The following NAV3 variants were observed in gnomAD, a reference collection of about 807,000 sequenced individuals.
The protein encoded by NAV3 is neuron navigator 3.
A neutral mutation model predicts 244.7 loss-of-function variants in NAV3; 87 were observed. That is an observed-to-expected ratio of 0.36 (90% CI 0.30 to 0.42). The LOEUF (loss-of-function observed/expected upper bound fraction) is 0.42, where lower values mean the gene tolerates loss of function less well. Ranked by LOEUF, NAV3 falls within the 20% of genes least tolerant of loss-of-function variation. NAV3 has a pLI of 1.00. For synonymous variants in NAV3, 1,126 were observed against 1,042.2 expected (o/e 1.08, Z -1.55); for missense variants, 2,663 against 2,893.3 (o/e 0.92, Z 1.83).
At chr12:77,589,235 A>C (rs1215637605) in intron 2 of NAV3, among the ~76,000 whole-genome samples, 1 of 152,206 alleles carries the variant, frequency 6.6e-6, no homozygotes, top group Non-Finnish European at 1.5e-5. Context: ...GATTTTGTTC[A>C]GTGAGTTAAT....
rs1218161991 is a variant in NAV3 at position 77,957,671 on chromosome 12, AT to A, written c.415-8547del. On this transcript the variant is annotated intron_variant, in intron 3 of 39. Transcript: ENST00000397909. ...ATCACTGAAATGAATAACTATCAGTATTTTTTTTTTTGAGACAGAGTCTTGC... is the reference window on the plus strand; with the variant it reads ...ATCACTGAAATGAATAACTATCAGTATTTTTTTTTTGAGACAGAGTCTTGC... Among the ~76,000 whole-genome samples, 1,368 of 149,124 alleles carry A rather than the reference AT, an allele frequency of 9.2e-3. 21 individuals carry two copies. Among genetic ancestry groups the A allele is most frequent in the African/African-American group, 0.03 (1,208 of 40,848 alleles).
chr12:78,048,727 T>G (rs1882259337), intron 9 of NAV3, among the ~76,000 whole-genome samples: 1 of 152,192 alleles, frequency 6.6e-6, no homozygotes, highest in Non-Finnish European at 1.5e-5. Flanking sequence ...TGTCTGTCCC[T>G]TAGCGGAGCT....
chr12:77,963,841 T>C (rs1565965236), intron 3 of NAV3, among the ~76,000 whole-genome samples: 2 of 150,116 alleles, frequency 1.3e-5, no homozygotes, highest in Non-Finnish European at 3.0e-5. Context: ...CCTTCCTTCC[T>C]TCCTTCCTTC....
intron 2 of NAV3, among the ~76,000 whole-genome samples, chr12:77,597,372 CT>C (rs1220764878): frequency 6.6e-6 from 1 of 152,028 alleles, no homozygotes; most frequent in Non-Finnish European, 1.5e-5. Flanking sequence ...GCCATGGAGC[CT>C]TGATATCCTC....
chr12:77,652,679 T>C (rs1416586085), intron 2 of NAV3, among the ~76,000 whole-genome samples: 1 of 152,234 alleles, frequency 6.6e-6, no homozygotes, highest in Non-Finnish European at 1.5e-5. Flanking sequence ...TCCTTGATTT[T>C]GGAAAAGGAC....
In NAV3 at chr12:78,177,006, C is replaced by T. The variant is rs1225813069; in HGVS notation, c.5125-135C>T. ...TCATTTTTTTTTTAGAGATACTGTGCTGCAATTGTTAATACTCTGCTTGTA... is the reference window on the plus strand; with the variant it reads ...TCATTTTTTTTTTAGAGATACTGTGTTGCAATTGTTAATACTCTGCTTGTA... On this transcript the variant is annotated intron_variant, in intron 26 of 39. Coordinates refer to ENST00000397909, the MANE Select transcript of NAV3 (RefSeq NM_001024383.2). 7.8e-6 allele frequency: 6 copies of T among 767,220 alleles called. No individual in the cohort carries two copies. The African/African-American group carries it at 8.9e-5, about 11-fold the overall frequency. The allele number at this position is 767,220 out of a possible 1,614,324, so 47.5% of individuals were successfully genotyped here.
intron 2 of NAV3, among the ~76,000 whole-genome samples, chr12:77,727,964 A>T (rs1876953472): frequency 2.0e-5 from 3 of 151,910 alleles, no homozygotes; most frequent in Admixed American, 2.0e-4. Flanking sequence ...GAGTGGGAAA[A>T]ACACCCAAAT....
intron 2 of NAV3, among the ~76,000 whole-genome samples, chr12:77,636,301 C>T (rs1446143688): frequency 6.6e-6 from 1 of 151,606 alleles, no homozygotes; most frequent in East Asian, 1.9e-4. Flanking sequence ...CCTGGCTCTA[C>T]CAAAAATACA....
chr12:77,902,610 C>G (rs1885441112), intron 1 of NAV3, among the ~76,000 whole-genome samples: 1 of 152,090 alleles, frequency 6.6e-6, no homozygotes, highest in Non-Finnish European at 1.5e-5. Flanking sequence ...TCTCACCACT[C>G]CTATTCAACA....
At chr12:78,101,411 G>C (rs1487595213) in intron 12 of NAV3, among the ~76,000 whole-genome samples, 2 of 152,312 alleles carry the variant, frequency 1.3e-5, no homozygotes, top group Non-Finnish European at 2.9e-5. Flanking sequence ...TAAATGAGCA[G>C]TGGCAGGATG....
At chr12:78,138,491 G>A (rs936541644) in intron 19 of NAV3, among the ~76,000 whole-genome samples, 24 of 152,092 alleles carry the variant, frequency 1.6e-4, no homozygotes, top group Admixed American at 1.4e-3. Flanking sequence ...AATCAGTAGA[G>A]AATAGTTGTC....
intron 1 of NAV3, among the ~76,000 whole-genome samples, chr12:77,884,276 T>G (rs1242959021): frequency 6.6e-6 from 1 of 152,078 alleles, no homozygotes; most frequent in Non-Finnish European, 1.5e-5. Flanking sequence ...TGATGATTGA[T>G]TGATTGACAG....
At chr12:77,699,212 G>A (rs911747272) in intron 2 of NAV3, among the ~76,000 whole-genome samples, 18 of 152,062 alleles carry the variant, frequency 1.2e-4, no homozygotes, top group African/African-American at 4.3e-4. Flanking sequence ...AACTAACAGG[G>A]TTGTCTGGCC....
chr12:77,700,885 A>G (rs1875529461), intron 2 of NAV3, among the ~76,000 whole-genome samples: 1 of 151,730 alleles, frequency 6.6e-6, no homozygotes, highest in Non-Finnish European at 1.5e-5. Flanking sequence ...TTCCTGTAAT[A>G]AACCCAATTT....
At chr12:77,770,848 C>T (rs1375084105) in intron 2 of NAV3, among the ~76,000 whole-genome samples, 1 of 152,180 alleles carries the variant, frequency 6.6e-6, no homozygotes, top group Non-Finnish European at 1.5e-5. Flanking sequence ...AGGAAATAAG[C>T]ATGGGCAAGG....
At chr12:77,704,804 T>G (rs1208437372) in intron 2 of NAV3, among the ~76,000 whole-genome samples, 1 of 152,178 alleles carries the variant, frequency 6.6e-6, no homozygotes, top group African/African-American at 2.4e-5. Context: ...TTTTGAATAT[T>G]TATTCATATT....
intron 2 of NAV3, among the ~76,000 whole-genome samples, chr12:77,726,470 A>G (rs954634527): frequency 2.6e-5 from 4 of 151,996 alleles, no homozygotes; most frequent in African/African-American, 9.7e-5. Context: ...CTAATGGGAA[A>G]GAGAGGAGGA....
intron 1 of NAV3, among the ~76,000 whole-genome samples, chr12:77,874,869 T>G (rs1446489973): frequency 9.2e-6 from 1 of 108,796 alleles, no homozygotes; most frequent in African/African-American, 4.3e-5. Context: ...TTATTCTGTA[T>G]TTTTTTTATA....
At chr12:77,779,419 A>G (rs1821211678) in intron 2 of NAV3, among the ~76,000 whole-genome samples, 1 of 152,204 alleles carries the variant, frequency 6.6e-6, no homozygotes, top group Non-Finnish European at 1.5e-5. Flanking sequence ...CAACTCCTTT[A>G]AACTGTTAGT....
Sources: gnomAD v4.1 joint callset for allele counts (sites outside exome capture counted in the v4.1 genomes callset) on GRCh38, gnomAD v4.1.1 for gene constraint, MANE v1.5 for transcripts, NCBI Gene and HGNC (gene_info 2026-07-23, HGNC 2026-07-21) for gene names.